Variants in TMTC2 observed in about 807,000 individuals in gnomAD.
TMTC2 encodes transmembrane O-mannosyltransferase targeting cadherins 2, also known as protein O-mannosyl-transferase TMTC2.
In TMTC2, 43 loss-of-function variants were observed where a neutral mutation model predicts 82.4. The observed-to-expected ratio is 0.52, with a 90% CI of 0.41 to 0.67. The LOEUF (loss-of-function observed/expected upper bound fraction) is 0.67. TMTC2 is among the 30% of genes least tolerant of loss of function. TMTC2 has a pLI of 0.00. For missense variants in TMTC2, 919 were observed against 1,012.4 expected (o/e 0.91, Z 1.25); for synonymous variants, 408 against 381.9 (o/e 1.07, Z -0.80).
chr12:83,130,484 A>G (rs1885227464), intron 11 of TMTC2, among the ~76,000 whole-genome samples: 1 of 152,180 alleles, frequency 6.6e-6, no homozygotes, highest in Admixed American at 6.5e-5. Flanking sequence ...CTGACCAAAA[A>G]GGTTTTTGAA....
chr12:82,725,130 A>T (rs762320394), intron 1 of TMTC2, among the ~76,000 whole-genome samples: 15 of 152,020 alleles, frequency 9.9e-5, no homozygotes, highest in Non-Finnish European at 2.9e-5. Flanking sequence ...TTGATTTTTA[A>T]AAAGTCTTAA....
intron 2 of TMTC2, among the ~76,000 whole-genome samples, chr12:82,872,765 T>C (rs1388617021): frequency 6.6e-6 from 1 of 152,188 alleles, no homozygotes; most frequent in Non-Finnish European, 1.5e-5. Context: ...ACTTTCGATA[T>C]CTGAGCTTTC....
intron 1 of TMTC2, among the ~76,000 whole-genome samples, chr12:82,849,254 T>C (rs1870843706): frequency 6.6e-6 from 1 of 152,038 alleles, no homozygotes; most frequent in South Asian, 2.1e-4. Flanking sequence ...GTTGCATGCC[T>C]AAGATGTGTT....
intron 2 of TMTC2, among the ~76,000 whole-genome samples, chr12:82,889,921 C>G (rs1004306714): frequency 6.6e-6 from 1 of 151,840 alleles, no homozygotes; most frequent in Non-Finnish European, 1.5e-5. Flanking sequence ...ATAAACAATG[C>G]TAAGTATCCT....
chr12:83,128,621 A>G (rs1166091437), intron 11 of TMTC2, among the ~76,000 whole-genome samples: 2 of 152,158 alleles, frequency 1.3e-5, no homozygotes, highest in Admixed American at 1.3e-4. Flanking sequence ...CTCAAATTTT[A>G]ATGAGCTTAC....
chr12:82,696,241 A>G (rs1872782555), intron 1 of TMTC2, among the ~76,000 whole-genome samples: 1 of 152,206 alleles, frequency 6.6e-6, no homozygotes, highest in Admixed American at 6.5e-5. Flanking sequence ...GAGGGAGGCA[A>G]TTATTTATAG....
chr12:83,119,140 A>G (rs954622983), intron 11 of TMTC2, among the ~76,000 whole-genome samples: 2 of 151,788 alleles, frequency 1.3e-5, no homozygotes, highest in Non-Finnish European at 2.9e-5. Flanking sequence ...TTTTGTTTCA[A>G]TTTCATTTAG....
intron 8 of TMTC2, among the ~76,000 whole-genome samples, chr12:83,006,194 C>T (rs570974125): frequency 3.5e-4 from 54 of 152,248 alleles, no homozygotes; most frequent in Middle Eastern, 3.4e-3. Context: ...TGTAGGTCGG[C>T]CATCCCATGC....
In TMTC2 at chr12:82,857,346, C is replaced by T. The variant is rs774192054; in HGVS notation, c.420C>T (p.Ala140=). The T allele has an allele frequency of 3.1e-6, 5 of 1,613,992 alleles. No homozygotes were observed. The African/African-American group carries it at 4.0e-5, about 13-fold the overall frequency. ...TEAVAGIVGR[A]DVGASLFFLL... is the part of the protein sequence containing the mutation. ...CAGTGGCAGGAATCGTGGGACGAGC[C>T]GATGTCGGGGCCAGTCTCTTCTTTC... Residue 140 remains alanine (A), a synonymous_variant, in exon 2 of 12, where the codon GCC becomes GCT. Coordinates refer to ENST00000321196, the MANE Select transcript of TMTC2 (RefSeq NM_152588.3).
intron 2 of TMTC2, among the ~76,000 whole-genome samples, chr12:82,890,180 T>C (rs577103248): frequency 1.7e-4 from 26 of 152,304 alleles, no homozygotes; most frequent in African/African-American, 6.3e-4. Flanking sequence ...ACTCATGAGA[T>C]TGAGTATCTT....
chr12:83,087,837 C>T (rs1883714416), intron 11 of TMTC2, among the ~76,000 whole-genome samples: 1 of 152,072 alleles, frequency 6.6e-6, no homozygotes, highest in African/African-American at 2.4e-5. Flanking sequence ...TTGTAAGGGC[C>T]CTAGGAGTTT....
At chr12:82,856,718 G>A (rs1274793831) in intron 1 of TMTC2, among the ~76,000 whole-genome samples, 1 of 152,214 alleles carries the variant, frequency 6.6e-6, no homozygotes, top group Non-Finnish European at 1.5e-5. Flanking sequence ...TTTCAGGGCA[G>A]TTGTTTGGCA....
chr12:82,728,240 C>G (rs1030714219), intron 1 of TMTC2, among the ~76,000 whole-genome samples: 3 of 151,842 alleles, frequency 2.0e-5, no homozygotes, highest in African/African-American at 7.3e-5. Flanking sequence ...GAGATGAGTC[C>G]TATTCTGTTT....
intron 2 of TMTC2, among the ~76,000 whole-genome samples, chr12:82,892,685 T>C (rs775364369): frequency 6.6e-6 from 1 of 152,234 alleles, no homozygotes; most frequent in South Asian, 2.1e-4. Flanking sequence ...GTTTTTGTAA[T>C]GCTTTCTCTC....
At position 82,869,515 on chromosome 12, in the gene TMTC2, C is replaced by A. The variant is rs78945817; in HGVS notation, c.654+11935C>A. On this transcript the variant is annotated intron_variant, in intron 2 of 11. Transcript: ENST00000321196. ...ATAGCTGGAATGGTATACTAGAAAC[C>A]ATTTGTCCATCTCCACAACACCACC... 2.8e-3 allele frequency among the ~76,000 whole-genome samples: 418 copies of A among 151,986 alleles called. 1 individual carries two copies. The highest frequency in any genetic ancestry group is 9.5e-3 in the African/African-American group (392 of 41,424).
intron 11 of TMTC2, among the ~76,000 whole-genome samples, chr12:83,101,392 A>G (rs995798706): frequency 2.6e-5 from 4 of 152,234 alleles, no homozygotes; most frequent in Admixed American, 2.6e-4. Context: ...AATACATGTC[A>G]GAAAAATCAG....
intron 1 of TMTC2, among the ~76,000 whole-genome samples, chr12:82,795,567 T>G (rs1878680273): frequency 6.6e-6 from 1 of 151,918 alleles, no homozygotes; most frequent in Admixed American, 6.6e-5. Context: ...ATGATGACAA[T>G]ATGGTACTAA....
intron 3 of TMTC2, among the ~76,000 whole-genome samples, chr12:82,906,851 A>C (rs1336665846): frequency 6.6e-6 from 1 of 152,204 alleles, no homozygotes; most frequent in Non-Finnish European, 1.5e-5. Flanking sequence ...AACTAGCTAA[A>C]AGCATCCCAC....
At chr12:82,968,689 C>G (rs1329954395) in intron 7 of TMTC2, among the ~76,000 whole-genome samples, 1 of 152,102 alleles carries the variant, frequency 6.6e-6, no homozygotes, top group Non-Finnish European at 1.5e-5. Flanking sequence ...TTCAGAAATT[C>G]ATTCAATTAT....
Sources: allele counts gnomAD v4.1 joint callset (sites outside exome capture counted in the v4.1 genomes callset), GRCh38; gene constraint gnomAD v4.1.1; transcripts MANE v1.5; gene names NCBI Gene and HGNC (gene_info 2026-07-23, HGNC 2026-07-21).